Variants in SLC9A9 observed in about 807,000 individuals in gnomAD.
The protein encoded by SLC9A9 is solute carrier family 9 member A9, also known as sodium/hydrogen exchanger 9.
A neutral mutation model predicts 77.8 loss-of-function variants in SLC9A9; 62 were observed. That is an observed-to-expected ratio of 0.80 (90% CI 0.65 to 0.98). The LOEUF (loss-of-function observed/expected upper bound fraction) is 0.98. SLC9A9 is among the 50% of genes least tolerant of loss of function. The pLI is 0.00. For missense variants in SLC9A9, 775 were observed against 774.9 expected, an observed-to-expected ratio of 1.00 and a Z score of 0.00; for synonymous variants, 320 against 283.5, an observed-to-expected ratio of 1.13 and a Z score of -1.29.
intron 4 of SLC9A9, among the ~76,000 whole-genome samples, chr3:143,711,732 T>G (rs904892309): frequency 2.6e-5 from 4 of 152,098 alleles, no homozygotes; most frequent in African/African-American, 7.2e-5. Context: ...GCCAAAACGT[T>G]TACTCTTATA....
intron 12 of SLC9A9, among the ~76,000 whole-genome samples, chr3:143,442,074 C>T (rs2034751173): frequency 6.6e-6 from 1 of 152,160 alleles, no homozygotes; most frequent in Admixed American, 6.5e-5. Flanking sequence ...CTCATCAATC[C>T]AACCATTCTG....
intron 6 of SLC9A9, among the ~76,000 whole-genome samples, chr3:143,599,418 A>T (rs937784550): frequency 3.3e-5 from 5 of 152,208 alleles, no homozygotes; most frequent in African/African-American, 1.2e-4. Context: ...CTGTTTGCAA[A>T]GAAATACGGC....
chr3:143,561,631 T>C (rs1406773546), intron 8 of SLC9A9, among the ~76,000 whole-genome samples: 1 of 152,174 alleles, frequency 6.6e-6, no homozygotes, highest in Non-Finnish European at 1.5e-5. Context: ...TGCTGGCCAA[T>C]AGCTTCACCC....
At chr3:143,384,684 G>T (rs1189049700) in intron 12 of SLC9A9, among the ~76,000 whole-genome samples, 1 of 152,126 alleles carries the variant, frequency 6.6e-6, no homozygotes, top group African/African-American at 2.4e-5. Flanking sequence ...GCATCTCAGA[G>T]ACCTGACTGG....
intron 12 of SLC9A9, among the ~76,000 whole-genome samples, chr3:143,394,707 C>A (rs538506629): frequency 1.3e-5 from 2 of 152,314 alleles, no homozygotes; most frequent in East Asian, 3.9e-4. Flanking sequence ...AAAACCCCAT[C>A]GTCTCAGCCC....
At chr3:143,518,857 G>A (rs983981696) in intron 9 of SLC9A9, among the ~76,000 whole-genome samples, 1 of 152,100 alleles carries the variant, frequency 6.6e-6, no homozygotes, top group African/African-American at 2.4e-5. Flanking sequence ...GACTATTCTT[G>A]TACTTGTCTC....
intron 5 of SLC9A9, among the ~76,000 whole-genome samples, chr3:143,688,533 C>G (rs1933353624): frequency 6.6e-6 from 1 of 152,134 alleles, no homozygotes; most frequent in Admixed American, 6.6e-5. Flanking sequence ...ACAACCTTAA[C>G]TAGCTAGATA....
intron 9 of SLC9A9, among the ~76,000 whole-genome samples, chr3:143,496,015 G>A (rs2035828873): frequency 1.3e-5 from 2 of 152,320 alleles, no homozygotes; most frequent in African/African-American, 2.4e-5. Flanking sequence ...CCCAGACGAT[G>A]AGACTCATTA....
At chr3:143,508,068 A>G (rs997235316) in intron 9 of SLC9A9, among the ~76,000 whole-genome samples, 3 of 152,242 alleles carry the variant, frequency 2.0e-5, no homozygotes, top group Non-Finnish European at 4.4e-5. Context: ...AACACATGAA[A>G]AAAGGAAATA....
At chr3:143,789,105 T>C (rs754761221) in intron 4 of SLC9A9, among the ~76,000 whole-genome samples, 1 of 152,224 alleles carries the variant, frequency 6.6e-6, no homozygotes, top group African/African-American at 2.4e-5. Flanking sequence ...CTGTTAGGTA[T>C]AGATACAAGA....
chr3:143,600,472 G>T (rs759421417), intron 6 of SLC9A9, among the ~76,000 whole-genome samples: 1 of 152,166 alleles, frequency 6.6e-6, no homozygotes, highest in African/African-American at 2.4e-5. Context: ...ATAAGTGTGT[G>T]AAAAATACAA....
intron 12 of SLC9A9, among the ~76,000 whole-genome samples, chr3:143,383,891 A>T (rs147048713): frequency 8.7e-4 from 132 of 152,302 alleles, no homozygotes; most frequent in African/African-American, 2.8e-3. Context: ...GTAACTCCTT[A>T]TAAGGAGAAC....
chr3:143,332,147 T>TA (rs2031790633), intron 14 of SLC9A9, among the ~76,000 whole-genome samples: 1 of 152,220 alleles, frequency 6.6e-6, no homozygotes, highest in Non-Finnish European at 1.5e-5. Flanking sequence ...CATGTCATGT[T>TA]AGAGTTTGGC....
chr3:143,511,868 T>C (rs2036121065), intron 9 of SLC9A9, among the ~76,000 whole-genome samples: 1 of 152,234 alleles, frequency 6.6e-6, no homozygotes, highest in Non-Finnish European at 1.5e-5. Flanking sequence ...ATATTTGGTC[T>C]AGAAAATAAT....
chr3:143,812,645 T>C (rs1421387933), intron 2 of SLC9A9, among the ~76,000 whole-genome samples: 1 of 152,182 alleles, frequency 6.6e-6, no homozygotes, highest in Non-Finnish European at 1.5e-5. Flanking sequence ...GGAAATAATA[T>C]TTATCACTTC....
intron 14 of SLC9A9, among the ~76,000 whole-genome samples, chr3:143,276,587 G>T (rs1386943583): frequency 6.6e-6 from 1 of 152,154 alleles, no homozygotes; most frequent in African/African-American, 2.4e-5. Context: ...AGGAATAGGA[G>T]AAACATGATC....
At chr3:143,314,268 G>A (rs970674774) in intron 14 of SLC9A9, 6 of 152,330 alleles carry the variant, frequency 3.9e-5, no homozygotes, top group African/African-American at 1.2e-4. Context: ...CTTGCTGCTA[G>A]GATCACAAAC....
intron 4 of SLC9A9, among the ~76,000 whole-genome samples, chr3:143,713,735 A>G (rs1365903253): frequency 9.2e-5 from 14 of 152,186 alleles, no homozygotes; most frequent in Admixed American, 8.5e-4. Context: ...ACAAACAAAA[A>G]ACACATACAG....
intron 14 of SLC9A9, among the ~76,000 whole-genome samples, chr3:143,344,288 A>T (rs1364409766): frequency 3.3e-4 from 50 of 152,286 alleles, no homozygotes; most frequent in African/African-American, 1.2e-3. Flanking sequence ...CAATATCCTG[A>T]TGCATATATC....
Sources: allele counts gnomAD v4.1 joint callset (sites outside exome capture counted in the v4.1 genomes callset), GRCh38; gene constraint gnomAD v4.1.1; transcripts MANE v1.5; gene names NCBI Gene and HGNC (gene_info 2026-07-23, HGNC 2026-07-21).